The following EPPK1 variants were observed in gnomAD, a reference collection of about 807,000 sequenced individuals.
EPPK1 encodes epiplakin 1, also known as epiplakin.
For missense variants in EPPK1, 3,823 were observed against 3,673.3 expected, an observed-to-expected ratio of 1.04 and a Z score of -1.05; for synonymous variants, 1,862 against 1,721.2, an observed-to-expected ratio of 1.08 and a Z score of -2.03.
intron 1 of EPPK1, among the ~76,000 whole-genome samples, chr8:143,878,203 ACTCGGAG>A (rs71318629): frequency 0.057 from 8,694 of 151,406 alleles, 344 homozygotes; most frequent in Non-Finnish European, 0.086. Context: ...GCCACTTCGG[ACTCGGAG>A]CTCAAATTGC....
chr8:143,869,647 C>G lies in EPPK1; in HGVS notation c.3607G>C (p.Val1203Leu). The G allele has an allele frequency of 6.3e-7, 1 of 1,590,980 alleles. No homozygotes were observed. Among genetic ancestry groups the G allele is most frequent in the Non-Finnish European group, 8.6e-7 (1 of 1,169,238 alleles). ...RVMVPGPRGE[V>L]PAVWLLDAGI... ...GCATCCAGCAGCCAGACAGCGGGTA[C>G]CTCACCCCGTGGGCCGGGCACCATG... Residue 1203 changes from valine to leucine, a missense_variant, in exon 2 of 2, where the codon GTA becomes CTA. Transcript: ENST00000615648.
Position 143,866,951 on chromosome 8 carries a change from C to T in EPPK1, c.6303G>A (p.Arg2101=), listed in dbSNP as rs782147317. Residue 2101 remains arginine, a synonymous_variant, in exon 2 of 2, where the codon AGG becomes AGA. Coordinates refer to ENST00000615648, the MANE Select transcript of EPPK1 (RefSeq NM_031308.4). ...DSEHIDDETR[R]ALEAEQVEIT... Reference sequence around the variant, plus strand: ...TTTCCACTTGCTCTGCCTCCAGGGCCCTTCTCGTCTCGTCATCGATGTGCT... The same window carrying T: ...TTTCCACTTGCTCTGCCTCCAGGGCTCTTCTCGTCTCGTCATCGATGTGCT... The T allele has an allele frequency of 2.5e-6, 4 of 1,612,856 alleles. No individual in the cohort carries two copies. The highest frequency in any genetic ancestry group is 1.1e-5 in the South Asian group (1 of 91,078).
rs373092735 is a variant in EPPK1 at position 143,868,830 on chromosome 8, G to C, written c.4424C>G (p.Ser1475Cys). The C allele has an allele frequency of 1.1e-5, 17 of 1,606,534 alleles. No individual in the cohort carries two copies. Among genetic ancestry groups the C allele is most frequent in the Non-Finnish European group, 1.4e-5 (17 of 1,179,584 alleles). Residue 1475 changes from serine to cysteine, a missense_variant, in exon 2 of 2, where the codon TCC becomes TGC. Coordinates refer to ENST00000615648, the MANE Select transcript of EPPK1 (RefSeq NM_031308.4). ...CSVSLWDLLL[S>C]EYVGADKRRE... Reference sequence around the variant, plus strand: ...CCGCTTGTCAGCGCCAACGTATTCGGAGAGCAGCAGGTCCCAGAGTGACAC... The same window carrying C: ...CCGCTTGTCAGCGCCAACGTATTCGCAGAGCAGCAGGTCCCAGAGTGACAC...
At chr8:143,875,213 C>T (rs1819456627) in intron 1 of EPPK1, among the ~76,000 whole-genome samples, 1 of 152,206 alleles carries the variant, frequency 6.6e-6, no homozygotes, top group Non-Finnish European at 1.5e-5. Flanking sequence ...CTCCCCATCC[C>T]CTCTCCCCAT....
At position 143,867,473 on chromosome 8, in the gene EPPK1, C is replaced by A. The variant is rs781881308; in HGVS notation, c.5781G>T (p.Ala1927=). ...SRKELIPAAF[A]TWLLEAQAAT... is the part of the protein sequence containing the mutation. ...CGGCCTGCGCCTCCAGCAGCCAAGTCGCAAATGCTGCAGGGATGAGCTCCT... is the reference window on the plus strand; with the variant it reads ...CGGCCTGCGCCTCCAGCAGCCAAGTAGCAAATGCTGCAGGGATGAGCTCCT... The change falls in exon 2 of 2, where the codon GCG becomes GCT. Residue 1927 remains alanine, a synonymous_variant. Transcript: ENST00000615648. The A allele has an allele frequency of 6.2e-7, 1 of 1,612,570 alleles. No homozygotes were observed. Among genetic ancestry groups the A allele is most frequent in the Non-Finnish European group, 8.5e-7 (1 of 1,179,800 alleles).
intron 1 of EPPK1, among the ~76,000 whole-genome samples, chr8:143,874,464 A>G (rs1819442384): frequency 6.6e-6 from 1 of 152,236 alleles, no homozygotes; most frequent in Non-Finnish European, 1.5e-5. Context: ...AAGAAGACAC[A>G]CAGGGAGAGG....
chr8:143,866,762 C>G lies in EPPK1; in HGVS notation c.6492G>C (p.Lys2164Asn). 2 of 1,613,524 alleles carry G rather than the reference C, an allele frequency of 1.2e-6. No individual in the cohort carries two copies. The highest frequency in any genetic ancestry group is 2.2e-5 in the East Asian group (1 of 44,888). The change falls in exon 2 of 2, where the codon AAG becomes AAC. Residue 2164 changes from lysine (K) to asparagine (N), a missense_variant. Lys to Asn is a moderately conservative substitution (Grantham distance 94). Transcript: ENST00000615648. ...VAQLILELIE[K>N]QETSNKHLWF... ...ACAGGTGTTTGTTGCTGGTTTCCTG[C>G]TTCTCGATCAACTCTAAGATGAGCT...
chr8:143,873,364 G>C, intron 1 of EPPK1, 66 bp from the exon 2 acceptor site: 1 of 1,188,880 alleles, frequency 8.4e-7, no homozygotes, highest in East Asian at 2.8e-5. Context: ...GGAAGATGCG[G>C]TCATGGGGCA....
rs35186960 is a variant in EPPK1 at position 143,857,896 on chromosome 8, C to CAAAAAAAAAAAAAAAAAAAAA, written c.*70_*90dup. The CAAAAAAAAAAAAAAAAAAAAA allele has an allele frequency of 1.7e-5, 6 of 348,604 alleles. No homozygotes were observed. The highest frequency in any genetic ancestry group is 7.3e-5 in the African/African-American group (2 of 27,490). The allele number at this position is 348,604 out of a possible 1,614,324, so 21.6% of individuals were successfully genotyped here. A position where few individuals can be genotyped will look rare whatever the true frequency, so the allele number is the denominator to read the frequency against. On this transcript the variant is annotated 3_prime_UTR_variant, in exon 2 of 2. Coordinates refer to ENST00000615648, the MANE Select transcript of EPPK1 (RefSeq NM_031308.4). ...GTAAAACAACAAAATTAAAGAATGA[C>CAAAAAAAAAAAAAAAAAAAAA]AAAAAAAAAAAAAAAAAAAAAAACA...
Position 143,867,854 on chromosome 8 carries a change from C to G in EPPK1, c.5400G>C (p.Leu1800=). Residue 1800 remains leucine, a synonymous_variant, in exon 2 of 2, where the codon CTG becomes CTC. Transcript: ENST00000615648. The part of the protein sequence containing the change: ...ADQVVSFWDL[L]SSPYFTEDRK... ...TGTCCTCTGTGAAGTATGGAGAGGA[C>G]AGCAGGTCCCAGAAAGAGACCACCT... 6.2e-7 allele frequency: 1 copy of G among 1,613,262 alleles called. No homozygotes were observed. Among genetic ancestry groups the G allele is most frequent in the Non-Finnish European group, 8.5e-7 (1 of 1,179,636 alleles).
rs782414797 is a variant in EPPK1 at position 143,866,843 on chromosome 8, G to A, written c.6411C>T (p.Leu2137=). The change falls in exon 2 of 2, where the codon CTC becomes CTT. Residue 2137 remains leucine, a synonymous_variant. Coordinates refer to ENST00000615648, the MANE Select transcript of EPPK1 (RefSeq NM_031308.4). ...NSEYVTEEKK[L]QLVRMYRTHT... ...GTGTTCTATACATCCTCACCAGCTG[G>A]AGCTTCTTCTCCTCTGTCACGTATT... The A allele has an allele frequency of 6.2e-7, 1 of 1,613,350 alleles. No homozygotes were observed. The highest frequency in any genetic ancestry group is 2.2e-5 in the East Asian group (1 of 44,878).
rs1819003019 is a variant in EPPK1, at chr8:143,859,795, CG to C, written c.13458del (p.Val4487CysfsTer21). ...AQIATGGVID[P>X]VHSHRVPVDV... ...TCCACGGGCACGCGGTGGCTGTGCACGGGGTCGATGACGCCGCCCGTGGCGA... is the reference window on the plus strand; with the variant it reads ...TCCACGGGCACGCGGTGGCTGTGCACGGGTCGATGACGCCGCCCGTGGCGA... On this transcript the variant is annotated frameshift_variant, in exon 2 of 2. Transcript: ENST00000615648. LOFTEE classifies it low-confidence loss of function (END_TRUNC). 2.6e-6 allele frequency: 2 copies of C among 754,860 alleles called. 1 individual carries two copies. Among genetic ancestry groups the C allele is most frequent in the South Asian group, 5.4e-5 (2 of 36,820 alleles). The allele number at this position is 754,860 out of a possible 1,614,324, so 46.8% of individuals were successfully genotyped here.
In EPPK1 at chr8:143,869,372, G is replaced by A; in HGVS notation, c.3882C>T (p.Asn1294=). The change falls in exon 2 of 2, where the codon AAC becomes AAT. Residue 1294 remains asparagine (N), a synonymous_variant. Coordinates refer to ENST00000615648, the MANE Select transcript of EPPK1 (RefSeq NM_031308.4). ...CGTCCTCCACTGACAGTCTCTGGTT[G>A]TTCAGGGGGTCAACAAGGAAGCCAG... ...VASGFLVDPL[N]NQRLSVEDAV... is the part of the protein sequence containing the mutation. The A allele has an allele frequency of 6.2e-7, 1 of 1,610,776 alleles. No individual in the cohort carries two copies. Among genetic ancestry groups the A allele is most frequent in the Non-Finnish European group, 8.5e-7 (1 of 1,179,152 alleles).
chr8:143,870,555 TG>T lies in EPPK1; in HGVS notation c.2698del (p.Gln900SerfsTer51), dbSNP rs782577199. 3.1e-6 allele frequency: 5 copies of T among 1,611,822 alleles called. No individual in the cohort carries two copies. Among genetic ancestry groups the T allele is most frequent in the Non-Finnish European group, 4.2e-6 (5 of 1,179,476 alleles). ...HQLLEAGIID[Q>X]QLLDQVLAGT... ...GGCCAGCACTTGGTCCAACAGCTGC[TG>T]GTCAATGATACCGGCCTCCAGGAGC... On this transcript the variant is annotated frameshift_variant, in exon 2 of 2. Coordinates refer to ENST00000615648, the MANE Select transcript of EPPK1 (RefSeq NM_031308.4). LOFTEE classifies it low-confidence loss of function (END_TRUNC). This position sits in a 1 kb window ranked among gnomAD's most constrained non-coding sequence, Gnocchi z 5.2.
chr8:143,871,786 C>A lies in EPPK1; in HGVS notation c.1468G>T (p.Ala490Ser). The change falls in exon 2 of 2, where the codon GCC (alanine) becomes TCC (serine). Residue 490 changes from alanine to serine, a missense_variant. Coordinates refer to ENST00000615648, the MANE Select transcript of EPPK1 (RefSeq NM_031308.4). The stretch of plus-strand genomic sequence containing the variant: ...ACGGTGGCTGTGGCCGTGCTCAGGG[C>A]CTGCCGAGTGCTGTACTTGATGAAT... The part of the protein sequence containing the change: ...PPFIKYSTRQ[A>S]LSTATATVSV... The A allele has an allele frequency of 6.2e-7, 1 of 1,611,704 alleles. No homozygotes were observed. The highest frequency in any genetic ancestry group is 8.5e-7 in the Non-Finnish European group (1 of 1,179,428).
rs1308876916 is a variant in EPPK1 at position 143,869,578 on chromosome 8, T to A, written c.3676A>T (p.Thr1226Ser). The A allele has an allele frequency of 1.3e-6, 2 of 1,562,500 alleles. No homozygotes were observed. The highest frequency in any genetic ancestry group is 1.7e-6 in the Non-Finnish European group (2 of 1,154,852). ...TCGGCGACCTGGGCGGGCGACTGCG[T>A]GCCCTGAGCCAGGGCCTCAAGGGTC... ...QETLEALAQG[T>S]QSPAQVAEQP... Residue 1226 changes from threonine to serine, a missense_variant, in exon 2 of 2, where the codon ACG (threonine) becomes TCG (serine). By Grantham distance (58) the Thr-to-Ser change is moderately conservative (BLOSUM62 1). Coordinates refer to ENST00000615648, the MANE Select transcript of EPPK1 (RefSeq NM_031308.4).
At position 143,865,340 on chromosome 8, in the gene EPPK1, C is replaced by G. The variant is rs1819080130; in HGVS notation, c.7914G>C (p.Gln2638His). Reference sequence around the variant, plus strand: ...CCTCCATGGTGGCATCACGCAGGGTCTGCTCCTGGCGGCGGGCGGCGGCGG... The same window carrying G: ...CCTCCATGGTGGCATCACGCAGGGTGTGCTCCTGGCGGCGGGCGGCGGCGG... ...AAAAAARRQE[Q>H]TLRDATMEVQ... The change falls in exon 2 of 2, where the codon CAG becomes CAC. Residue 2638 changes from glutamine to histidine, a missense_variant. Transcript: ENST00000615648. 2.7e-5 allele frequency: 10 copies of G among 367,508 alleles called. No individual in the cohort carries two copies. In the South Asian group the frequency reaches 4.3e-4, roughly 16 times the overall value. The allele number at this position is 367,508 out of a possible 1,614,324, so 22.8% of individuals were successfully genotyped here.
rs1554661718 is a variant in EPPK1 at position 143,872,818 on chromosome 8, G to A, written c.436C>T (p.Leu146=). ...TGGACCTCCAGCCAGCTCTGCCCCA[G>A]GGCCCTGTCCACAACCTCCTTCCCG... ...AIGKEVVDRA[L]GQSWLEVQLA... is the part of the protein sequence containing the mutation. The change falls in exon 2 of 2, where the codon CTG becomes TTG. Residue 146 remains leucine (L), a synonymous_variant. Coordinates refer to ENST00000615648, the MANE Select transcript of EPPK1 (RefSeq NM_031308.4). 1 of 1,565,916 alleles carries A rather than the reference G, an allele frequency of 6.4e-7. No homozygotes were observed. The highest frequency in any genetic ancestry group is 8.7e-7 in the Non-Finnish European group (1 of 1,153,894).
chr8:143,870,890 G>T lies in EPPK1; in HGVS notation c.2364C>A (p.Asp788Glu). The change falls in exon 2 of 2, where the codon GAC (aspartate) becomes GAA (glutamate). Residue 788 changes from aspartate (D) to glutamate (E), a missense_variant. Asp to Glu is a conservative substitution (Grantham distance 45). Transcript: ENST00000615648. This position sits in a 1 kb window ranked among gnomAD's most constrained non-coding sequence, Gnocchi z 5.2. The stretch of plus-strand genomic sequence containing the variant: ...GCAGGAGGTACAGGCCCGTCTCGGG[G>T]TCACGCACACAGCGCTCCAGAAGCT... Reference protein sequence around the residue: ...YLQLLERCVRDPETGLYLLPL... With the variant: ...YLQLLERCVREPETGLYLLPL... The T allele has an allele frequency of 3.1e-6, 5 of 1,613,242 alleles. No individual in the cohort carries two copies. Among genetic ancestry groups the T allele is most frequent in the Non-Finnish European group, 4.2e-6 (5 of 1,180,002 alleles).
Sources: allele counts gnomAD v4.1 joint callset (sites outside exome capture counted in the v4.1 genomes callset), GRCh38; gene constraint gnomAD v4.1.1; non-coding constraint Gnocchi (gnomAD v3.1); transcripts MANE v1.5; gene names NCBI Gene and HGNC (gene_info 2026-07-23, HGNC 2026-07-21).